GPC6: variants seen among roughly 807,000 people sequenced by gnomAD.
GPC6 encodes the protein glypican 6.
Under a neutral mutation model 55.2 loss-of-function variants are expected in GPC6, and 14 were observed. The observed-to-expected ratio is 0.25, with a 90% CI of 0.17 to 0.40. GPC6 has a LOEUF of 0.40. Among genes scored for constraint, GPC6 ranks in the 10% least tolerant of loss-of-function variants. GPC6 has a pLI of 1.00. For synonymous variants in GPC6, 278 were observed against 259.6 expected, an observed-to-expected ratio of 1.07 and a Z score of -0.68; for missense variants, 641 against 708.5, an observed-to-expected ratio of 0.90 and a Z score of 1.08.
intron 3 of GPC6, among the ~76,000 whole-genome samples, chr13:93,843,123 T>C (rs1888016277): frequency 6.6e-6 from 1 of 151,916 alleles, no homozygotes; most frequent in Non-Finnish European, 1.5e-5. Context: ...AAAATTTTCT[T>C]TTACAACCTA....
intron 4 of GPC6, among the ~76,000 whole-genome samples, chr13:94,197,926 T>A (rs749464639): frequency 1.3e-5 from 2 of 152,232 alleles, no homozygotes; most frequent in South Asian, 4.1e-4. Flanking sequence ...ATGTTTAGCA[T>A]GTTAAATGTT....
At chr13:93,985,786 G>C (rs1161589316) in intron 3 of GPC6, among the ~76,000 whole-genome samples, 1 of 150,088 alleles carries the variant, frequency 6.7e-6, no homozygotes, top group Non-Finnish European at 1.5e-5. Flanking sequence ...TGCTTGTATT[G>C]AATCTGGAAT....
chr13:94,402,369 G>A (rs1159255547), intron 8 of GPC6, among the ~76,000 whole-genome samples: 1 of 152,236 alleles, frequency 6.6e-6, no homozygotes, highest in East Asian at 1.9e-4. Flanking sequence ...CATGGTAGGT[G>A]TGGCCTCCCC....
chr13:93,579,619 G>A (rs969292476), intron 2 of GPC6, among the ~76,000 whole-genome samples: 2 of 152,086 alleles, frequency 1.3e-5, no homozygotes, highest in African/African-American at 4.8e-5. Flanking sequence ...GGCTTTCTGT[G>A]ATTTGTATTT....
chr13:93,912,033 T>A (rs1472964950), intron 3 of GPC6, among the ~76,000 whole-genome samples: 1 of 152,122 alleles, frequency 6.6e-6, no homozygotes, highest in Non-Finnish European at 1.5e-5. Context: ...GAACTTAGCC[T>A]GTGACACTAA....
At chr13:93,562,149 T>C (rs1363774555) in intron 2 of GPC6, among the ~76,000 whole-genome samples, 2 of 152,008 alleles carry the variant, frequency 1.3e-5, no homozygotes, top group Non-Finnish European at 2.9e-5. Context: ...GATGGAGCCT[T>C]TCCCTTGTGA....
intron 2 of GPC6, among the ~76,000 whole-genome samples, chr13:93,758,782 A>G (rs1245483906): frequency 1.3e-5 from 2 of 152,038 alleles, no homozygotes; most frequent in Non-Finnish European, 2.9e-5. Context: ...TGCAGTGCTA[A>G]TGTTGACTTC....
At chr13:94,024,102 GACACACACAC>G (rs140178004) in intron 3 of GPC6, among the ~76,000 whole-genome samples, 2 of 144,190 alleles carry the variant, frequency 1.4e-5, no homozygotes, top group East Asian at 2.0e-4. Context: ...ACTGTGTATA[GACACACACAC>G]ACACACACAC....
chr13:94,346,635 T>TG (rs1241821688), intron 6 of GPC6, among the ~76,000 whole-genome samples: 1 of 151,182 alleles, frequency 6.6e-6, no homozygotes, highest in Non-Finnish European at 1.5e-5. Context: ...GGCAGGGAAT[T>TG]GCTTGAACCT....
At chr13:93,459,320 C>T (rs930174686) in intron 1 of GPC6, among the ~76,000 whole-genome samples, 1 of 152,256 alleles carries the variant, frequency 6.6e-6, no homozygotes, top group African/African-American at 2.4e-5. Flanking sequence ...CCCACCTTGA[C>T]TTCCCAAAGT....
At chr13:93,427,297 A>G (rs12866067) in intron 1 of GPC6, among the ~76,000 whole-genome samples, 27,696 of 151,394 alleles carry the variant, frequency 0.18, 2,492 homozygotes, top group Middle Eastern at 0.2. Context: ...CGCCAAGTCA[A>G]TCCTAAGCCA....
At chr13:93,424,481 A>G (rs775497805) in intron 1 of GPC6, among the ~76,000 whole-genome samples, 2 of 152,080 alleles carry the variant, frequency 1.3e-5, no homozygotes, top group Non-Finnish European at 2.9e-5. Context: ...TGATGCGGGG[A>G]TCTGAATGTC....
intron 1 of GPC6, among the ~76,000 whole-genome samples, chr13:93,278,138 A>C (rs2139063466): frequency 6.6e-6 from 1 of 152,292 alleles, no homozygotes; most frequent in South Asian, 2.1e-4. Context: ...GGATCTTATT[A>C]TTTTAGACAA....
At chr13:93,789,985 G>A (rs1284389871) in intron 2 of GPC6, among the ~76,000 whole-genome samples, 1 of 152,054 alleles carries the variant, frequency 6.6e-6, no homozygotes, top group Non-Finnish European at 1.5e-5. Flanking sequence ...AACATTAAAA[G>A]TACTTGAATA....
chr13:93,676,126 AATATATATATAT>A (rs764101821), intron 2 of GPC6, among the ~76,000 whole-genome samples: 111 of 15,506 alleles, frequency 7.2e-3, no homozygotes, highest in African/African-American at 8.8e-3. Context: ...AAAAAAAAAA[AATATATATATAT>A]ATATATATAT....
chr13:94,258,547 C>T (rs1398956336), intron 4 of GPC6, among the ~76,000 whole-genome samples: 1 of 152,136 alleles, frequency 6.6e-6, no homozygotes, highest in Non-Finnish European at 1.5e-5. Flanking sequence ...CTGTTGCTCC[C>T]ACAAAGGTTT....
chr13:94,069,322 A>C (rs1404491436), intron 4 of GPC6, among the ~76,000 whole-genome samples: 1 of 152,030 alleles, frequency 6.6e-6, no homozygotes, highest in East Asian at 1.9e-4. Flanking sequence ...GCTTCACACA[A>C]CATGGGGACC....
upstream of GPC6, among the ~76,000 whole-genome samples, chr13:93,223,681 C>A (rs1403610545): frequency 1.3e-5 from 2 of 151,998 alleles, no homozygotes; most frequent in Non-Finnish European, 1.5e-5. Context: ...GAAGCTCAGG[C>A]AAGCCACTCT....
intron 4 of GPC6, among the ~76,000 whole-genome samples, chr13:94,083,862 G>T (rs1027642882): frequency 6.6e-6 from 1 of 152,180 alleles, no homozygotes; most frequent in African/African-American, 2.4e-5. Context: ...AGATATGAAT[G>T]TCTTTCTACC....
Sources: allele counts gnomAD v4.1 joint callset (sites outside exome capture counted in the v4.1 genomes callset), GRCh38; gene constraint gnomAD v4.1.1; transcripts MANE v1.5; gene names NCBI Gene and HGNC (gene_info 2026-07-23, HGNC 2026-07-21).